ATRNL1: variants seen among roughly 807,000 people sequenced by gnomAD.
ATRNL1 encodes the protein attractin like 1, also known as attractin-like protein 1.
A neutral mutation model predicts 182.7 loss-of-function variants in ATRNL1; 95 were observed. The ratio of observed to expected loss-of-function variants is 0.52; its 90% confidence interval spans 0.44 to 0.62. ATRNL1 has a LOEUF of 0.62. ATRNL1 is among the 20% of genes least tolerant of loss of function. ATRNL1 has a pLI of 0.00. For missense variants in ATRNL1, 1,471 were observed against 1,679.5 expected (o/e 0.88, Z 2.17); for synonymous variants, 576 against 568.3 (o/e 1.01, Z -0.19).
At chr10:115,099,566 T>G (rs2085108728) in intron 1 of ATRNL1, among the ~76,000 whole-genome samples, 1 of 149,614 alleles carries the variant, frequency 6.7e-6, no homozygotes, top group Non-Finnish European at 1.5e-5. Flanking sequence ...GAGTCAGTGT[T>G]CTATCTAGTT....
intron 19 of ATRNL1, among the ~76,000 whole-genome samples, chr10:115,366,565 T>C (rs1471929247): frequency 6.6e-6 from 1 of 151,480 alleles, no homozygotes. Flanking sequence ...GTCATTATGA[T>C]GTTAGCTGGT....
chr10:115,255,214 A>G (rs1851066205), intron 10 of ATRNL1, among the ~76,000 whole-genome samples: 1 of 152,162 alleles, frequency 6.6e-6, no homozygotes, highest in South Asian at 2.1e-4. Flanking sequence ...GAATCTATAA[A>G]TTACCTTTGG....
chr10:115,659,806 G>T (rs1555037234), intron 26 of ATRNL1, among the ~76,000 whole-genome samples: 4 of 152,112 alleles, frequency 2.6e-5, no homozygotes, highest in African/African-American at 9.7e-5. Context: ...AGAAGGGAAT[G>T]TTCCAGCTCA....
intron 24 of ATRNL1, among the ~76,000 whole-genome samples, chr10:115,494,570 A>C (rs149381025): frequency 1.3e-5 from 2 of 152,192 alleles, no homozygotes; most frequent in African/African-American, 4.8e-5. Flanking sequence ...GTTTAATTGA[A>C]AGCTTTTTCT....
chr10:115,682,637 C>T (rs971187785), intron 26 of ATRNL1, among the ~76,000 whole-genome samples: 1 of 151,886 alleles, frequency 6.6e-6, no homozygotes, highest in Non-Finnish European at 1.5e-5. Context: ...GAAATGTGCC[C>T]ATTTTATAGT....
At chr10:115,729,378 C>G (rs1555061834) in intron 27 of ATRNL1, among the ~76,000 whole-genome samples, 1 of 151,890 alleles carries the variant, frequency 6.6e-6, no homozygotes, top group African/African-American at 2.4e-5. Flanking sequence ...TGTTTTACAA[C>G]TATACTTTCT....
intron 26 of ATRNL1, among the ~76,000 whole-genome samples, chr10:115,660,709 A>C (rs1210472936): frequency 6.6e-6 from 1 of 152,102 alleles, no homozygotes; most frequent in Non-Finnish European, 1.5e-5. Context: ...TAGATTAGAG[A>C]AGTAAGAGAT....
chr10:115,913,750 G>A (rs1029351647), intron 28 of ATRNL1, among the ~76,000 whole-genome samples: 5 of 152,296 alleles, frequency 3.3e-5, no homozygotes, highest in South Asian at 4.1e-4. Context: ...AGAAAGCATA[G>A]ATGGAGTCAC....
chr10:115,519,788 C>T lies in ATRNL1; in HGVS notation c.3716+464C>T, dbSNP rs374550069. Among the ~76,000 whole-genome samples the T allele has an allele frequency of 9.2e-5, 14 of 152,230 alleles. No individual in the cohort carries two copies. In the East Asian group the frequency reaches 1.9e-3, roughly 21 times the overall value. On this transcript the variant is annotated intron_variant, in intron 25 of 28. Coordinates refer to ENST00000355044, the MANE Select transcript of ATRNL1 (RefSeq NM_207303.4). ...CTACATGTCCTAAAGTTAAATAGTG[C>T]TCTTTTGGTTGGTTTTCAACTGGCA...
intron 9 of ATRNL1, among the ~76,000 whole-genome samples, chr10:115,229,557 T>C (rs1353950758): frequency 1.3e-5 from 2 of 152,072 alleles, no homozygotes; most frequent in Non-Finnish European, 2.9e-5. Context: ...TAATTTTATA[T>C]ATTTATGAGG....
At chr10:115,923,407 G>A (rs544193146) in intron 28 of ATRNL1, among the ~76,000 whole-genome samples, 137 of 151,968 alleles carry the variant, frequency 9.0e-4, no homozygotes, top group African/African-American at 3.1e-3. Context: ...CCCTCCCTTC[G>A]CGCCCAACCC....
intron 28 of ATRNL1, among the ~76,000 whole-genome samples, chr10:115,903,693 G>A (rs879991778): frequency 2.6e-5 from 4 of 151,990 alleles, no homozygotes; most frequent in Admixed American, 6.6e-5. Context: ...ATCTGCTCTC[G>A]TCAGAATTTC....
intron 27 of ATRNL1, among the ~76,000 whole-genome samples, chr10:115,737,913 A>G (rs1461718088): frequency 2.0e-5 from 3 of 151,868 alleles, no homozygotes; most frequent in Admixed American, 6.6e-5. Flanking sequence ...GCTGGTTCCT[A>G]TGCACTTGGC....
chr10:115,730,069 C>T (rs1245893002), intron 27 of ATRNL1, among the ~76,000 whole-genome samples: 1 of 151,422 alleles, frequency 6.6e-6, no homozygotes, highest in Non-Finnish European at 1.5e-5. Flanking sequence ...CCTGTCTGGC[C>T]AATATGGTGA....
intron 8 of ATRNL1, among the ~76,000 whole-genome samples, chr10:115,189,611 GA>G (rs1252848445): frequency 1.3e-5 from 2 of 151,878 alleles, no homozygotes; most frequent in Non-Finnish European, 2.9e-5. Flanking sequence ...AGGATTTAAG[GA>G]AAAAATTTTT....
intron 26 of ATRNL1, among the ~76,000 whole-genome samples, chr10:115,608,350 A>G (rs890360214): frequency 6.6e-6 from 1 of 152,072 alleles, no homozygotes; most frequent in African/African-American, 2.4e-5. Flanking sequence ...GTGTTAAAAA[A>G]TCCTCAAGAT....
chr10:115,094,038 G>A lies in ATRNL1; in HGVS notation c.288G>A (p.Arg96=), dbSNP rs1164464345. The A allele has an allele frequency of 1.3e-6, 2 of 1,503,234 alleles. No individual in the cohort carries two copies. The highest frequency in any genetic ancestry group is 1.4e-5 in the African/African-American group (1 of 70,048). 93.1% of individuals were successfully genotyped at this position (1,503,234 alleles called of 1,614,324 possible). A position where few individuals can be genotyped will look rare whatever the true frequency, so the allele number is the denominator to read the frequency against. ...VGDQCQHCQG[R]FKLTEPSGYL... is the part of the protein sequence containing the mutation. Reference sequence around the variant, plus strand: ...ACCAGTGCCAGCACTGCCAGGGCAGGTTCAAGTAAGTGCCTTCGCCGGACC... The same window carrying A: ...ACCAGTGCCAGCACTGCCAGGGCAGATTCAAGTAAGTGCCTTCGCCGGACC... The change falls in exon 1 of 29, where the codon AGG becomes AGA. Residue 96 remains arginine (R), a synonymous_variant. Coordinates refer to ENST00000355044, the MANE Select transcript of ATRNL1 (RefSeq NM_207303.4).
At chr10:115,375,050 A>T (rs546759382) in intron 19 of ATRNL1, among the ~76,000 whole-genome samples, 1 of 151,698 alleles carries the variant, frequency 6.6e-6, no homozygotes, top group South Asian at 2.1e-4. Flanking sequence ...TATCTGGATG[A>T]TCTGTTCAAT....
intron 26 of ATRNL1, among the ~76,000 whole-genome samples, chr10:115,713,449 G>GTGCGTGTGTGTGTGTT (rs1555055208): frequency 2.2e-5 from 3 of 137,598 alleles, no homozygotes; most frequent in Admixed American, 8.3e-5. Context: ...GTGGCTGTGT[G>GTGCGTGTGTGTGTGTT]TGTGTGTGTG....
Sources: gnomAD v4.1 joint callset for allele counts (sites outside exome capture counted in the v4.1 genomes callset) on GRCh38, gnomAD v4.1.1 for gene constraint, MANE v1.5 for transcripts, NCBI Gene and HGNC (gene_info 2026-07-23, HGNC 2026-07-21) for gene names.